ERCC5: variants seen among roughly 807,000 people sequenced by gnomAD.
ERCC5 encodes the protein DNA excision repair protein ERCC-5.
ERCC5 carries 68 observed loss-of-function variants against 105.6 expected under a neutral mutation model. The ratio of observed to expected loss-of-function variants is 0.64; its 90% CI spans 0.53 to 0.79. ERCC5 has a LOEUF of 0.79. ERCC5 is among the 30% of genes least tolerant of loss of function. The pLI is 0.00. For missense variants in ERCC5, 1,373 were observed against 1,426.7 expected, an observed-to-expected ratio of 0.96 and a Z score of 0.61; for synonymous variants, 546 against 526.2, an observed-to-expected ratio of 1.04 and a Z score of -0.51.
Position 102,872,410 on chromosome 13 carries a change from T to C in ERCC5, c.2879+12T>C, listed in dbSNP as rs963908035. The C allele has an allele frequency of 6.2e-7, 1 of 1,614,120 alleles. No individual in the cohort carries two copies. The highest frequency in any genetic ancestry group is 1.3e-5 in the African/African-American group (1 of 75,066). On this transcript the variant is annotated intron_variant, in intron 13 of 14. Coordinates refer to ENST00000652225, the MANE Select transcript of ERCC5 (RefSeq NM_000123.4). Reference sequence around the variant, plus strand: ...GACAAAATTAGAGAATATCCTTTGCTTCTTAAAAGAGAAGGAAACACCTTG... The same window carrying C: ...GACAAAATTAGAGAATATCCTTTGCCTCTTAAAAGAGAAGGAAACACCTTG...
At chr13:102,869,721 T>C (rs959994776) in intron 12 of ERCC5, among the ~76,000 whole-genome samples, 1 of 152,234 alleles carries the variant, frequency 6.6e-6, no homozygotes, top group African/African-American at 2.4e-5. Flanking sequence ...CAGACATTGA[T>C]TTGAGTGTCC....
chr13:102,859,911 C>G (rs1011606513), intron 6 of ERCC5, among the ~76,000 whole-genome samples: 2 of 152,144 alleles, frequency 1.3e-5, no homozygotes, highest in African/African-American at 4.8e-5. Context: ...TAAATGGAAA[C>G]TTTCAGAAAT....
intron 2 of ERCC5, among the ~76,000 whole-genome samples, chr13:102,853,281 A>G (rs750036161): frequency 6.6e-6 from 1 of 152,222 alleles, no homozygotes; most frequent in African/African-American, 2.4e-5. Context: ...ATTTGTCACT[A>G]CTTGAACATT....
intron 1 of ERCC5, among the ~76,000 whole-genome samples, chr13:102,848,420 G>A (rs932530408): frequency 1.7e-4 from 26 of 152,094 alleles, no homozygotes; most frequent in African/African-American, 6.3e-4. Context: ...TATTTATACA[G>A]TCTAAATGTC....
intron 6 of ERCC5, 101 bp downstream of exon 6, chr13:102,858,519 C>T: frequency 4.0e-6 from 6 of 1,512,252 alleles, no homozygotes; most frequent in South Asian, 2.3e-5. Context: ...TACACGATAT[C>T]TCAGTTAACA....
intron 12 of ERCC5, among the ~76,000 whole-genome samples, chr13:102,871,733 C>T (rs77739766): frequency 0.032 from 4,816 of 151,974 alleles, 262 homozygotes; most frequent in African/African-American, 0.11. Context: ...AAATATTCTT[C>T]GATCCATTAT....
At chr13:102,851,119 C>T (rs1346125145) in intron 1 of ERCC5, among the ~76,000 whole-genome samples, 1 of 152,122 alleles carries the variant, frequency 6.6e-6, no homozygotes, top group Admixed American at 6.5e-5. Flanking sequence ...GGTATGTGAA[C>T]TAGTTTTTTA....
chr13:102,862,179 A>G lies in ERCC5; in HGVS notation c.1030A>G (p.Thr344Ala), dbSNP rs142927249. 1.7e-4 allele frequency: 267 copies of G among 1,614,096 alleles called. No individual in the cohort carries two copies. Among genetic ancestry groups the G allele is most frequent in the Non-Finnish European group, 2.1e-4 (243 of 1,180,040 alleles). Residue 344 changes from threonine (T) to alanine (A), a missense_variant, in exon 8 of 15, where the codon ACT becomes GCT. By Grantham distance (58) the Thr-to-Ala change is moderately conservative. Transcript: ENST00000652225. ...TGATGCTACCCCTCCTTCTCCAAGA[A>G]CTTTACTAGCTATGCAAGCTGCCCT... is the stretch of plus-strand genomic sequence containing the variant. Reference protein sequence around the residue: ...EPDATPPSPRTLLAMQAALLG... With the variant: ...EPDATPPSPRALLAMQAALLG...
chr13:102,872,849 AT>A (rs1264083058), intron 13 of ERCC5, among the ~76,000 whole-genome samples: 1 of 152,260 alleles, frequency 6.6e-6, no homozygotes, highest in African/African-American at 2.4e-5. Context: ...TGTCCTTTTT[AT>A]TACTGGTTGT....
In ERCC5 at chr13:102,849,207, C is replaced by T. The variant is rs750953153; in HGVS notation, c.88+2853C>T. 13 of 518,800 alleles carry T rather than the reference C, an allele frequency of 2.5e-5. No individual in the cohort carries two copies. The East Asian group carries it at 6.0e-4, about 24-fold the overall frequency. 32.1% of individuals were successfully genotyped at this position (518,800 alleles called of 1,614,324 possible). A position where few individuals can be genotyped will look rare whatever the true frequency, so the allele number is the denominator to read the frequency against. On this transcript the variant is annotated intron_variant, in intron 1 of 14. Coordinates refer to ENST00000652225, the MANE Select transcript of ERCC5 (RefSeq NM_000123.4). ...CTACCTCTGAGATGTATCTTTTATC[C>T]GATCTCTTCTCGTGGTCTCCACCAC... is the stretch of plus-strand genomic sequence containing the variant.
At position 102,862,465 on chromosome 13, in the gene ERCC5, G is replaced by A. The variant is rs1226184980; in HGVS notation, c.1316G>A (p.Gly439Glu). Residue 439 changes from glycine (G) to glutamate (E), a missense_variant, in exon 8 of 15, where the codon GGA (glycine) becomes GAA (glutamate). Around this residue, in one of 3 missense-constraint regions of ERCC5, gnomAD observed 1,004 missense variants for 1,059.7 expected, o/e 0.95. Coordinates refer to ENST00000652225, the MANE Select transcript of ERCC5 (RefSeq NM_000123.4). ...DEGLKVRDGK[G>E]IPFTATLASS... is the part of the protein sequence containing the mutation. ...GGACTTAAAGTGAGAGATGGAAAAG[G>A]AATACCGTTTACTGCAACACTTGCG... 6.2e-7 allele frequency: 1 copy of A among 1,614,026 alleles called. No homozygotes were observed. The highest frequency in any genetic ancestry group is 1.3e-5 in the African/African-American group (1 of 74,886).
Position 102,846,321 on chromosome 13 carries a change from C to G in ERCC5, c.55C>G (p.Pro19Ala). Residue 19 changes from proline (P) to alanine (A), a missense_variant, in exon 1 of 15, where the codon CCC becomes GCC. Around this residue, in one of 3 missense-constraint regions of ERCC5, gnomAD observed 1,004 missense variants for 1,059.7 expected, o/e 0.95. Coordinates refer to ENST00000652225, the MANE Select transcript of ERCC5 (RefSeq NM_000123.4). ...LLECSGRQVS[P>A]EALEGKILAV... ...GGAGTGCTCCGGGCGGCAGGTCAGC[C>G]CCGAAGCGCTGGAAGGGAAGATCCT... 1 of 1,614,014 alleles carries G rather than the reference C, an allele frequency of 6.2e-7. No individual in the cohort carries two copies. The highest frequency in any genetic ancestry group is 8.5e-7 in the Non-Finnish European group (1 of 1,179,988).
intron 6 of ERCC5, among the ~76,000 whole-genome samples, chr13:102,859,252 G>A (rs1453164250): frequency 3.3e-5 from 5 of 152,240 alleles, no homozygotes; most frequent in East Asian, 1.9e-4. Flanking sequence ...CAGCATCATC[G>A]ACCTTAGTGC....
intron 1 of ERCC5, among the ~76,000 whole-genome samples, chr13:102,847,022 T>A (rs1409898040): frequency 6.6e-6 from 1 of 152,336 alleles, no homozygotes; most frequent in East Asian, 1.9e-4. Flanking sequence ...ATTAATACAG[T>A]AAATCTTAAA....
chr13:102,875,150 A>G (rs1175740251), intron 14 of ERCC5, among the ~76,000 whole-genome samples, 157 bp from the exon 15 acceptor site: 4 of 152,222 alleles, frequency 2.6e-5, no homozygotes, highest in Non-Finnish European at 4.4e-5. Context: ...ACTGTCAGTA[A>G]TTCACTGGGA....
intron 6 of ERCC5, 90 bp from the exon 7 acceptor site, chr13:102,861,417 T>C: frequency 7.0e-7 from 1 of 1,425,900 alleles, no homozygotes; most frequent in Non-Finnish European, 9.7e-7. Flanking sequence ...CAATTGTTCT[T>C]TGTTCCCTGT....
At position 102,856,105 on chromosome 13, in the gene ERCC5, C is replaced by T. The variant is rs780978365; in HGVS notation, c.521C>T (p.Ala174Val). The change falls in exon 5 of 15, where the codon GCA becomes GTA. Residue 174 changes from alanine (A) to valine (V), a missense_variant. Ala to Val is a moderately conservative substitution (Grantham distance 64). This residue lies in a region of ERCC5 where 1,004 missense variants were observed against 1,059.7 expected (regional missense o/e 0.95). Transcript: ENST00000652225. ...EWQERMNQKQ[A>V]LQEEFFHNPQ... The stretch of plus-strand genomic sequence containing the variant: ...CAAGAAAGAATGAATCAAAAACAAG[C>T]ATTACAGGTATTTAGATCATTTTTG... 1.7e-5 allele frequency: 27 copies of T among 1,613,218 alleles called. No homozygotes were observed. Among genetic ancestry groups the T allele is most frequent in the Non-Finnish European group, 2.3e-5 (27 of 1,179,408 alleles).
At position 102,863,028 on chromosome 13, in the gene ERCC5, G is replaced by T. The variant is rs1221757639; in HGVS notation, c.1879G>T (p.Ala627Ser). The T allele has an allele frequency of 6.2e-7, 1 of 1,614,184 alleles. No homozygotes were observed. The highest frequency in any genetic ancestry group is 1.3e-5 in the African/African-American group (1 of 75,040). Residue 627 changes from alanine (A) to serine (S), a missense_variant, in exon 8 of 15, where the codon GCA becomes TCA. This residue lies in a region of ERCC5 where 1,004 missense variants were observed against 1,059.7 expected (regional missense o/e 0.95). Transcript: ENST00000652225. ...CCAAGAACAGCAGACCACTGAATCTGCAGGCCAGGATTTAATTTCCATTCC... is the reference window on the plus strand; with the variant it reads ...CCAAGAACAGCAGACCACTGAATCTTCAGGCCAGGATTTAATTTCCATTCC... The part of the protein sequence containing the change: ...TIQEQQTTES[A>S]GQDLISIPKA...
chr13:102,871,610 C>T (rs559131847), intron 12 of ERCC5, among the ~76,000 whole-genome samples: 1 of 28,050 alleles, frequency 3.6e-5, no homozygotes, highest in East Asian at 1.0e-3. Flanking sequence ...GTTTTACATA[C>T]ATATGTATTT....
Sources: allele counts gnomAD v4.1 joint callset (sites outside exome capture counted in the v4.1 genomes callset), GRCh38; gene constraint gnomAD v4.1.1; regional missense constraint gnomAD v4.1.1; transcripts MANE v1.5; gene names NCBI Gene and HGNC (gene_info 2026-07-23, HGNC 2026-07-21).